Variants in DOC2B observed in about 807,000 individuals in gnomAD.
DOC2B encodes double C2 domain beta.
In DOC2B, 21 loss-of-function variants were observed where a neutral mutation model predicts 28.9. The observed-to-expected ratio is 0.73, with a 90% CI of 0.52 to 1.05. The LOEUF (loss-of-function observed/expected upper bound fraction) is 1.05. DOC2B is among the 50% of genes least tolerant of loss of function. DOC2B has a pLI of 0.00. For missense variants in DOC2B, 384 were observed against 421.1 expected (o/e 0.91, Z 0.77); for synonymous variants, 194 against 178.1 (o/e 1.09, Z -0.71).
At chr17:165,795 G>A (rs900981399) in intron 2 of DOC2B, among the ~76,000 whole-genome samples, 1 of 152,226 alleles carries the variant, frequency 6.6e-6, no homozygotes, top group Non-Finnish European at 1.5e-5. Flanking sequence ...CCCACCAAGT[G>A]CCTGAAGTGC....
chr17:165,487 T>TTAA (rs1555523783), intron 2 of DOC2B, among the ~76,000 whole-genome samples: 5 of 119,150 alleles, frequency 4.2e-5, no homozygotes, highest in African/African-American at 1.6e-4. Context: ...GTCTCAAGTT[T>TTAA]AAAAAAAAAA....
intron 3 of DOC2B, among the ~76,000 whole-genome samples, chr17:162,452 C>A (rs2040216294): frequency 6.6e-6 from 1 of 152,188 alleles, no homozygotes. Flanking sequence ...TCAGGGACGT[C>A]ACCAAGGAAG....
rs917859669 is a variant in DOC2B, at chr17:146,304, G to T, written c.*1137C>A. The T allele has an allele frequency of 1.3e-5, 2 of 152,286 alleles. No individual in the cohort carries two copies. The highest frequency in any genetic ancestry group is 4.8e-5 in the African/African-American group (2 of 41,442). 9.4% of individuals were successfully genotyped at this position (152,286 alleles called of 1,614,324 possible). A position where few individuals can be genotyped will look rare whatever the true frequency, so the allele number is the denominator to read the frequency against. On this transcript the variant is annotated 3_prime_UTR_variant, in exon 9 of 9. Coordinates refer to ENST00000613549, the MANE Select transcript of DOC2B (RefSeq NM_003585.5). The stretch of plus-strand genomic sequence containing the variant: ...GGAGGGGAAAGGGCAGAGTCAGGAC[G>T]TGTAGGAATGCTTGCTTTTTTTCCC...
chr17:156,416 C>CA, intron 5 of DOC2B, 39 bp from the exon 6 acceptor site: 1 of 1,544,364 alleles, frequency 6.5e-7, no homozygotes, highest in Non-Finnish European at 8.7e-7. Context: ...CACCTGCTCC[C>CA]ACCCCTCTCT....
chr17:154,506 A>G (rs2040111343), intron 6 of DOC2B, among the ~76,000 whole-genome samples: 1 of 152,214 alleles, frequency 6.6e-6, no homozygotes, highest in Non-Finnish European at 1.5e-5. Flanking sequence ...TTGTGTATCC[A>G]TTCATCAGTG....
At chr17:164,873 A>ACAGGGATG (rs2040244689) in intron 2 of DOC2B, among the ~76,000 whole-genome samples, 1 of 152,206 alleles carries the variant, frequency 6.6e-6, no homozygotes, top group African/African-American at 2.4e-5. Context: ...GGGATGGTGC[A>ACAGGGATG]CAGGGATGCA....
chr17:179,678 G>A (rs2040413517), intron 1 of DOC2B, among the ~76,000 whole-genome samples: 1 of 152,166 alleles, frequency 6.6e-6, no homozygotes, highest in Non-Finnish European at 1.5e-5. Flanking sequence ...GGGGAGGGGG[G>A]GTGGATCTAG....
intron 2 of DOC2B, among the ~76,000 whole-genome samples, chr17:165,809 G>T (rs1555523820): frequency 2.0e-5 from 3 of 152,242 alleles, no homozygotes; most frequent in Non-Finnish European, 2.9e-5. Context: ...GAAGTGCAGA[G>T]TTCTGGGAAT....
At chr17:155,237 C>G (rs1555522274) in intron 6 of DOC2B, among the ~76,000 whole-genome samples, 1 of 152,094 alleles carries the variant, frequency 6.6e-6, no homozygotes, top group Admixed American at 6.5e-5. Context: ...AAGCAATCCT[C>G]CTGCCTTGGC....
chr17:181,156 C>CTT lies in DOC2B; in HGVS notation c.322_323dup (p.Pro109SerfsTer46). The CTT allele has an allele frequency of 8.0e-7, 1 of 1,253,312 alleles. No individual in the cohort carries two copies. The highest frequency in any genetic ancestry group is 1.0e-6 in the Non-Finnish European group (1 of 999,990). 77.6% of individuals were successfully genotyped at this position (1,253,312 alleles called of 1,614,324 possible). A position where few individuals can be genotyped will look rare whatever the true frequency, so the allele number is the denominator to read the frequency against. On this transcript the variant is annotated frameshift_variant, in exon 1 of 9. Coordinates refer to ENST00000613549, the MANE Select transcript of DOC2B (RefSeq NM_003585.5). LOFTEE classifies it high-confidence loss of function. This position sits in a 1 kb window ranked among gnomAD's most constrained non-coding sequence, Gnocchi z 7.0. Reference sequence around the variant, plus strand: ...CGGCGTCCGGCTCGTCCTCCGGCGGCTTGGCTGGCGGCCGCGCGGGGCTGG... The same window carrying CTT: ...CGGCGTCCGGCTCGTCCTCCGGCGGCTTTTGGCTGGCGGCCGCGCGGGGCTGG...
intron 1 of DOC2B, among the ~76,000 whole-genome samples, chr17:177,186 G>A (rs1332716183): frequency 6.6e-6 from 1 of 152,134 alleles, no homozygotes; most frequent in African/African-American, 2.4e-5. Flanking sequence ...CACTGCAGGG[G>A]GGACAGAGAG....
intron 6 of DOC2B, 119 bp downstream of exon 6, chr17:156,101 C>G: frequency 8.6e-7 from 1 of 1,157,602 alleles, no homozygotes; most frequent in African/African-American, 1.6e-5. Context: ...GGGAACACAG[C>G]GCCCCTGTAC....
At chr17:153,884 A>G (rs1210222851) in intron 6 of DOC2B, among the ~76,000 whole-genome samples, 1 of 152,012 alleles carries the variant, frequency 6.6e-6, no homozygotes, top group African/African-American at 2.4e-5. Context: ...TAATTCCTCT[A>G]GTTCAAATTT....
chr17:164,597 T>G (rs930698151), intron 2 of DOC2B, among the ~76,000 whole-genome samples: 20 of 152,140 alleles, frequency 1.3e-4, no homozygotes, highest in African/African-American at 4.8e-4. Flanking sequence ...TCACTGACCC[T>G]AAATCCACAT....
intron 6 of DOC2B, chr17:156,009 C>T: frequency 5.2e-6 from 3 of 580,040 alleles, no homozygotes; most frequent in Non-Finnish European, 8.9e-6. Context: ...GGAAGCCACT[C>T]AGCTTCTCTG....
At chr17:165,799 G>C (rs2040256636) in intron 2 of DOC2B, among the ~76,000 whole-genome samples, 1 of 152,234 alleles carries the variant, frequency 6.6e-6, no homozygotes, top group South Asian at 2.1e-4. Context: ...CCAAGTGCCT[G>C]AAGTGCAGAG....
intron 6 of DOC2B, among the ~76,000 whole-genome samples, chr17:149,969 G>A (rs2040054556): frequency 6.6e-6 from 1 of 152,158 alleles, no homozygotes; most frequent in African/African-American, 2.4e-5. Context: ...AAGACCTTTT[G>A]TGCAGTCACA....
chr17:162,529 C>A (rs774250481), intron 3 of DOC2B, among the ~76,000 whole-genome samples: 1 of 152,204 alleles, frequency 6.6e-6, no homozygotes, highest in Non-Finnish European at 1.5e-5. Context: ...CCAGGAGGGC[C>A]GATGGCCTCT....
chr17:181,083 G>C lies in DOC2B; in HGVS notation c.373+24C>G. The C allele has an allele frequency of 8.1e-7, 1 of 1,234,498 alleles. No homozygotes were observed. Among genetic ancestry groups the C allele is most frequent in the Non-Finnish European group, 1.0e-6 (1 of 986,872 alleles). 76.5% of individuals were successfully genotyped at this position (1,234,498 alleles called of 1,614,324 possible). A position where few individuals can be genotyped will look rare whatever the true frequency, so the allele number is the denominator to read the frequency against. ...GAGCCCGAGCCAGGGGAGGGGGCGC[G>C]AAGTCGGCGCGTGGGAAACTTACTG... On this transcript the variant is annotated intron_variant, in intron 1 of 8. Transcript: ENST00000613549. This position sits in a 1 kb window ranked among gnomAD's most constrained non-coding sequence, Gnocchi z 7.0.
Sources: gnomAD v4.1 joint callset for allele counts (sites outside exome capture counted in the v4.1 genomes callset) on GRCh38, gnomAD v4.1.1 for gene constraint, Gnocchi (gnomAD v3.1) non-coding constraint, MANE v1.5 for transcripts, NCBI Gene and HGNC (gene_info 2026-07-23, HGNC 2026-07-21) for gene names.